Variants in JMJD1C observed in about 807,000 individuals in gnomAD.
JMJD1C encodes the protein jumonji domain-containing protein 1C.
In JMJD1C, 31 loss-of-function variants were observed where a neutral mutation model predicts 245.3. That is an observed-to-expected ratio of 0.13 (90% CI 0.09 to 0.17). The LOEUF (loss-of-function observed/expected upper bound fraction) is 0.17. Among genes scored for constraint, JMJD1C ranks in the 10% least tolerant of loss-of-function variants. JMJD1C has a pLI of 1.00. For missense variants in JMJD1C, 2,691 were observed against 3,000.2 expected, an observed-to-expected ratio of 0.90 and a Z score of 2.41; for synonymous variants, 1,057 against 1,017.4, an observed-to-expected ratio of 1.04 and a Z score of -0.74.
At chr10:63,297,246 C>T (rs966373865) in intron 2 of JMJD1C, among the ~76,000 whole-genome samples, 1 of 152,364 alleles carries the variant, frequency 6.6e-6, no homozygotes, top group South Asian at 2.1e-4. Context: ...ACCCAGAGAA[C>T]TTCCTTGATG....
intron 1 of JMJD1C, among the ~76,000 whole-genome samples, chr10:63,382,585 A>T (rs1402177575): frequency 2.6e-5 from 4 of 152,216 alleles, no homozygotes; most frequent in Non-Finnish European, 5.9e-5. Context: ...CACTGCTAAC[A>T]TCATACACAA....
chr10:63,264,654 G>A lies in JMJD1C; in HGVS notation c.444C>T (p.Tyr148=). The A allele has an allele frequency of 7.1e-7, 1 of 1,408,430 alleles. No homozygotes were observed. The highest frequency in any genetic ancestry group is 9.7e-7 in the Non-Finnish European group (1 of 1,026,306). 87.2% of individuals were successfully genotyped at this position (1,408,430 alleles called of 1,614,324 possible). Residue 148 remains tyrosine (Y), a synonymous_variant, in exon 3 of 26, where the codon TAC becomes TAT. Coordinates refer to ENST00000399262, the MANE Select transcript of JMJD1C (RefSeq NM_032776.3). ...AAAGTAATCTAAAATTTCTTACCTG[G>A]TAGGGCTGAAAGGCACTATCTTCAG... ...FLTEDSAFQP[Y]QDDIDSLNPV...
intron 1 of JMJD1C, chr10:63,382,959 A>G (rs1337602042): frequency 2.2e-5 from 9 of 401,002 alleles, no homozygotes; most frequent in Non-Finnish European, 9.9e-6. Flanking sequence ...ATTAGTATAT[A>G]AGCAAATACC....
chr10:63,362,513 T>C (rs1387254484), intron 2 of JMJD1C, among the ~76,000 whole-genome samples: 1 of 151,834 alleles, frequency 6.6e-6, no homozygotes, highest in African/African-American at 2.4e-5. Flanking sequence ...AGGGTCTCAC[T>C]CTTTTGCCCA....
chr10:63,497,479 C>T (rs1043411448), intron 1 of JMJD1C, among the ~76,000 whole-genome samples: 10 of 152,136 alleles, frequency 6.6e-5, no homozygotes, highest in Non-Finnish European at 1.3e-4. Flanking sequence ...TTAGCGTTTG[C>T]CTCAGCCAGA....
At chr10:63,491,790 C>T (rs1014859079) in intron 1 of JMJD1C, among the ~76,000 whole-genome samples, 1 of 152,198 alleles carries the variant, frequency 6.6e-6, no homozygotes, top group Admixed American at 6.5e-5. Context: ...CTCACTCTTT[C>T]CAGACAAACA....
intron 2 of JMJD1C, among the ~76,000 whole-genome samples, chr10:63,333,713 T>C (rs12258696): frequency 0.14 from 21,460 of 152,068 alleles, 3,463 homozygotes; most frequent in African/African-American, 0.4. Flanking sequence ...CCTAGGAGCA[T>C]TGCCCACATA....
intron 2 of JMJD1C, among the ~76,000 whole-genome samples, chr10:63,314,956 G>T (rs71508962): frequency 0.2 from 26,535 of 133,150 alleles, 3,536 homozygotes; most frequent in Non-Finnish European, 0.29. Context: ...AGCCTTTTTT[G>T]TTTTTTTTTT....
chr10:63,383,834 T>C (rs912369383), intron 1 of JMJD1C, among the ~76,000 whole-genome samples: 1 of 152,204 alleles, frequency 6.6e-6, no homozygotes, highest in Non-Finnish European at 1.5e-5. Flanking sequence ...CCTCAACGTT[T>C]TTGGCTGCTG....
chr10:63,389,858 C>A (rs912644159), intron 1 of JMJD1C, among the ~76,000 whole-genome samples: 3 of 152,054 alleles, frequency 2.0e-5, no homozygotes, highest in African/African-American at 7.2e-5. Flanking sequence ...AAAATCAATT[C>A]AAAACATACC....
chr10:63,461,910 C>T (rs900881241), intron 1 of JMJD1C, among the ~76,000 whole-genome samples: 1 of 152,050 alleles, frequency 6.6e-6, no homozygotes, highest in African/African-American at 2.4e-5. Flanking sequence ...TTGATGTCTG[C>T]TATTTAATTA....
chr10:63,208,179 G>A lies in JMJD1C; in HGVS notation c.3490C>T (p.Pro1164Ser). 1 of 1,613,720 alleles carries A rather than the reference G, an allele frequency of 6.2e-7. No individual in the cohort carries two copies. The highest frequency in any genetic ancestry group is 2.2e-5 in the East Asian group (1 of 44,638). ...GCAATCTGATGTGGAAGATGTTCTG[G>A]TATCTTGCCTACTAAACCTTCACTT... ...PESEGLVGKIPEHLPHQIASH... is the reference protein window; with the variant it reads ...PESEGLVGKISEHLPHQIASH... The change falls in exon 10 of 26, where the codon CCA becomes TCA. Residue 1164 changes from proline (P) to serine (S), a missense_variant. Physicochemically the swap from Pro to Ser is moderately conservative, Grantham distance 74 (BLOSUM62 -1). This residue lies in a region of JMJD1C where 1,562 missense variants were observed against 1,490.7 expected (regional missense o/e 1.05). Coordinates refer to ENST00000399262, the MANE Select transcript of JMJD1C (RefSeq NM_032776.3).
rs530504890 is a variant in JMJD1C at position 63,398,787 on chromosome 10, G to A, written c.169-18305C>T. ...GCCACCTGAGTAACCTGGGATTACA[G>A]GCGTGTGCCATCACATCCAGCTAAT... On this transcript the variant is annotated intron_variant, in intron 1 of 25. Transcript: ENST00000399262. Among the ~76,000 whole-genome samples the A allele has an allele frequency of 5.8e-4, 89 of 152,226 alleles. 1 individual carries two copies. In the South Asian group the frequency reaches 0.018, roughly 31 times the overall value.
chr10:63,232,216 T>C (rs1000243928), intron 3 of JMJD1C, among the ~76,000 whole-genome samples: 11 of 152,120 alleles, frequency 7.2e-5, no homozygotes, highest in Admixed American at 5.2e-4. Context: ...AATCATCTTC[T>C]CAATATATTA....
chr10:63,503,560 C>T (rs1489590345), intron 1 of JMJD1C, among the ~76,000 whole-genome samples: 1 of 152,184 alleles, frequency 6.6e-6, no homozygotes, highest in Non-Finnish European at 1.5e-5. Flanking sequence ...CCCACCCTTA[C>T]TCCTGTCCCT....
chr10:63,203,792 T>C (rs926212951), intron 10 of JMJD1C: 8 of 957,926 alleles, frequency 8.4e-6, no homozygotes, highest in Non-Finnish European at 9.9e-6. Context: ...GTATATAAAA[T>C]ATATAATTAT....
chr10:63,514,747 C>T (rs1047954838), intron 1 of JMJD1C, among the ~76,000 whole-genome samples: 12 of 151,686 alleles, frequency 7.9e-5, no homozygotes, highest in Non-Finnish European at 1.8e-4. Context: ...GGTAACAGAC[C>T]ACACACATGT....
In JMJD1C at chr10:63,394,844, C is replaced by CAA. The variant is rs35359377; in HGVS notation, c.169-14364_169-14363dup. ...GGGCAACAAGAGTGAAACTCCATCA[C>CAA]AAAAAAAAAAAAAAGTGATGTTAGA... On this transcript the variant is annotated intron_variant, in intron 1 of 25. Coordinates refer to ENST00000399262, the MANE Select transcript of JMJD1C (RefSeq NM_032776.3). Among the ~76,000 whole-genome samples the CAA allele has an allele frequency of 3.2e-3, 400 of 126,940 alleles. 3 individuals are homozygous for CAA. The Middle Eastern group carries it at 0.034, about 11-fold the overall frequency. The allele number at this position is 126,940 out of a possible 152,430, so 83.3% of individuals were successfully genotyped here. A position where few individuals can be genotyped will look rare whatever the true frequency, so the allele number is the denominator to read the frequency against.
intron 2 of JMJD1C, among the ~76,000 whole-genome samples, chr10:63,340,924 G>A (rs778042178): frequency 6.6e-6 from 1 of 151,958 alleles, no homozygotes; most frequent in South Asian, 2.1e-4. Flanking sequence ...CAGCCTGGGC[G>A]AAAAGAGCAA....
Sources: allele counts gnomAD v4.1 joint callset (sites outside exome capture counted in the v4.1 genomes callset), GRCh38; gene constraint gnomAD v4.1.1; regional missense constraint gnomAD v4.1.1; transcripts MANE v1.5; gene names NCBI Gene and HGNC (gene_info 2026-07-23, HGNC 2026-07-21).